The following SQOR variants were observed in gnomAD, a reference collection of about 807,000 sequenced individuals.
SQOR encodes the protein sulfide quinone oxidoreductase.
SQOR carries 39 observed loss-of-function variants against 48.6 expected under a neutral mutation model. The observed-to-expected ratio is 0.80, with a 90% CI of 0.62 to 1.05. The LOEUF (loss-of-function observed/expected upper bound fraction) is 1.05, where lower values mean the gene tolerates loss of function less well. Among genes scored for constraint, SQOR ranks in the 50% least tolerant of loss-of-function variants. The pLI is 0.00. For synonymous variants in SQOR, 220 were observed against 206.2 expected, an observed-to-expected ratio of 1.07 and a Z score of -0.57; for missense variants, 561 against 559.9, an observed-to-expected ratio of 1.00 and a Z score of -0.02.
intron 7 of SQOR, among the ~76,000 whole-genome samples, chr15:45,686,922 G>A (rs1890235188): frequency 6.6e-6 from 1 of 152,028 alleles, no homozygotes; most frequent in South Asian, 2.1e-4. Flanking sequence ...CTATTCTTGT[G>A]CCTCAGCCTC....
At chr15:45,648,737 C>T (rs868849580) in intron 1 of SQOR, among the ~76,000 whole-genome samples, 2 of 152,344 alleles carry the variant, frequency 1.3e-5, no homozygotes, top group South Asian at 4.1e-4. Context: ...TACAGAGATC[C>T]AGACCAACAG....
chr15:45,682,164 A>C (rs1231183934), intron 6 of SQOR, among the ~76,000 whole-genome samples: 2 of 152,194 alleles, frequency 1.3e-5, no homozygotes, highest in African/African-American at 4.8e-5. Context: ...ACTAATAAAA[A>C]CATCAATGGA....
intron 8 of SQOR, 122 bp from the exon 9 acceptor site, chr15:45,688,917 A>G (rs1186373498): frequency 1.3e-6 from 1 of 795,476 alleles, no homozygotes; most frequent in African/African-American, 1.7e-5. Context: ...CAGTACAAAA[A>G]GCTAGAATAT....
chr15:45,652,481 C>T (rs189587140), intron 1 of SQOR, among the ~76,000 whole-genome samples: 7 of 152,016 alleles, frequency 4.6e-5, no homozygotes, highest in Admixed American at 6.5e-5. Context: ...ATTACATGCA[C>T]GGGGTACCAC....
intron 3 of SQOR, among the ~76,000 whole-genome samples, chr15:45,668,805 C>T (rs1889885921): frequency 6.6e-6 from 1 of 152,196 alleles, no homozygotes; most frequent in Non-Finnish European, 1.5e-5. Flanking sequence ...TTTCCTAACT[C>T]CAGTTTTCTA....
At chr15:45,660,608 G>C (rs138084037) in intron 2 of SQOR, among the ~76,000 whole-genome samples, 1 of 152,248 alleles carries the variant, frequency 6.6e-6, no homozygotes, top group Non-Finnish European at 1.5e-5. Context: ...CCCCAGGCTT[G>C]GTACTTTCCC....
Position 45,659,086 on chromosome 15 carries a change from G to A in SQOR, c.163G>A (p.Gly55Arg), listed in dbSNP as rs374284135. 43 of 1,591,942 alleles carry A rather than the reference G, an allele frequency of 2.7e-5. No individual in the cohort carries two copies. The highest frequency in any genetic ancestry group is 3.2e-5 in the Non-Finnish European group (38 of 1,169,356). ...EVLVLGGGSG[G>R]ITMAARMKRK... is the part of the protein sequence containing the mutation. ...GCTGGTGCTGGGTGGGGGCAGTGGC[G>A]GAATCACCATGGCTGCCCGCATGAA... The change falls in exon 2 of 10, where the codon GGA becomes AGA. Residue 55 changes from glycine (G) to arginine (R), a missense_variant. Coordinates refer to ENST00000260324, the MANE Select transcript of SQOR (RefSeq NM_021199.4).
intron 2 of SQOR, among the ~76,000 whole-genome samples, chr15:45,660,216 G>C (rs914460253): frequency 6.6e-6 from 1 of 152,160 alleles, no homozygotes; most frequent in East Asian, 1.9e-4. Context: ...AATGGATCAG[G>C]TGCCTGTTTC....
chr15:45,652,864 G>A (rs577453291), intron 1 of SQOR, among the ~76,000 whole-genome samples: 33 of 151,426 alleles, frequency 2.2e-4, no homozygotes, highest in African/African-American at 7.7e-4. Flanking sequence ...CCAGCTACTC[G>A]TGGGGGCCGG....
intron 3 of SQOR, among the ~76,000 whole-genome samples, chr15:45,669,648 G>T (rs983468103): frequency 2.0e-5 from 3 of 152,144 alleles, no homozygotes; most frequent in African/African-American, 7.2e-5. Flanking sequence ...GAAGCAGTGA[G>T]GTGTGAGGCA....
intron 4 of SQOR, among the ~76,000 whole-genome samples, chr15:45,672,584 C>T (rs1023045169): frequency 6.6e-6 from 1 of 152,114 alleles, no homozygotes; most frequent in Non-Finnish European, 1.5e-5. Flanking sequence ...TGGGGAGGCT[C>T]TGAAGGACCA....
At chr15:45,653,495 C>G (rs1024437728) in intron 1 of SQOR, among the ~76,000 whole-genome samples, 22 of 152,212 alleles carry the variant, frequency 1.4e-4, no homozygotes, top group Admixed American at 6.5e-5. Flanking sequence ...TACAGGCCCT[C>G]TCCGGTCACA....
chr15:45,647,254 A>G (rs1025996538), intron 1 of SQOR, among the ~76,000 whole-genome samples: 5 of 152,072 alleles, frequency 3.3e-5, no homozygotes, highest in African/African-American at 1.2e-4. Context: ...GTTAGAAAAA[A>G]ACAAAACAAA....
At chr15:45,680,244 A>G (rs887598332) in intron 6 of SQOR, among the ~76,000 whole-genome samples, 2 of 151,804 alleles carry the variant, frequency 1.3e-5, no homozygotes, top group Non-Finnish European at 2.9e-5. Flanking sequence ...ATAGGCATGC[A>G]CTACCATGCC....
At chr15:45,654,279 GTTAGAA>G (rs778951727) in intron 1 of SQOR, among the ~76,000 whole-genome samples, 19 of 152,280 alleles carry the variant, frequency 1.2e-4, no homozygotes, top group Non-Finnish European at 2.1e-4. Flanking sequence ...ATGTTACATT[GTTAGAA>G]TTAGAAAGTA....
intron 4 of SQOR, 98 bp downstream of exon 4, chr15:45,670,079 G>T: frequency 1.7e-6 from 2 of 1,146,890 alleles, no homozygotes; most frequent in East Asian, 2.4e-5. Context: ...GACAAGAAAG[G>T]GGTTCTAAGA....
chr15:45,653,477 G>A (rs1456727627), intron 1 of SQOR, among the ~76,000 whole-genome samples: 1 of 152,196 alleles, frequency 6.6e-6, no homozygotes, highest in East Asian at 1.9e-4. Context: ...GCAGGGTGGT[G>A]CAGAGCTTAC....
At chr15:45,688,750 T>G (rs1890267852) in intron 8 of SQOR, among the ~76,000 whole-genome samples, 1 of 152,162 alleles carries the variant, frequency 6.6e-6, no homozygotes, top group Admixed American at 6.5e-5. Context: ...TGACCTCAGA[T>G]GATCCACCCG....
upstream of SQOR, among the ~76,000 whole-genome samples, chr15:45,634,198 C>CTA (rs60889862): frequency 0.038 from 1,648 of 43,778 alleles, 310 homozygotes; most frequent in East Asian, 0.061. Flanking sequence ...ACAACAACAA[C>CTA]TATATATATA....
Sources: allele counts gnomAD v4.1 joint callset (sites outside exome capture counted in the v4.1 genomes callset), GRCh38; gene constraint gnomAD v4.1.1; transcripts MANE v1.5; gene names NCBI Gene and HGNC (gene_info 2026-07-23, HGNC 2026-07-21).